Variants in GSG1L observed in about 807,000 individuals in gnomAD.
GSG1L encodes GSG1 like.
In GSG1L, 24 loss-of-function variants were observed where a neutral mutation model predicts 42.1. That is an observed-to-expected ratio of 0.57 (90% CI 0.41 to 0.80). GSG1L has a LOEUF of 0.80. Ranked by LOEUF, GSG1L falls within the 30% of genes least tolerant of loss-of-function variation. The pLI is 0.00. For synonymous variants in GSG1L, 215 were observed against 203.5 expected (o/e 1.06, Z -0.48); for missense variants, 445 against 472.2 (o/e 0.94, Z 0.53).
chr16:27,886,951 CTT>C (rs569919383), intron 2 of GSG1L, among the ~76,000 whole-genome samples: 1 of 149,176 alleles, frequency 6.7e-6, no homozygotes, highest in Non-Finnish European at 1.5e-5. Context: ...CTCTTTCTTT[CTT>C]TTTTTTTTCT....
At chr16:28,037,671 T>C (rs190672299) in intron 1 of GSG1L, among the ~76,000 whole-genome samples, 48 of 152,332 alleles carry the variant, frequency 3.2e-4, no homozygotes, top group East Asian at 1.3e-3. Context: ...GTAATAATAA[T>C]AATATAAAAA....
intron 3 of GSG1L, among the ~76,000 whole-genome samples, chr16:27,877,409 C>T (rs904626129): frequency 2.0e-5 from 3 of 152,136 alleles, no homozygotes; most frequent in Non-Finnish European, 2.9e-5. Flanking sequence ...AAATATGACC[C>T]TGTCTAGATT....
intron 3 of GSG1L, among the ~76,000 whole-genome samples, chr16:27,854,546 C>G (rs946158300): frequency 6.6e-6 from 1 of 152,166 alleles, no homozygotes; most frequent in Non-Finnish European, 1.5e-5. Flanking sequence ...TCTGAGTGAA[C>G]AGTGGACACC....
intron 1 of GSG1L, among the ~76,000 whole-genome samples, chr16:27,963,708 G>T (rs2085096173): frequency 6.6e-6 from 1 of 152,126 alleles, no homozygotes; most frequent in Non-Finnish European, 1.5e-5. Flanking sequence ...TCCACCCACT[G>T]CCCTCTCCCT....
rs913168388 is a variant in GSG1L at position 28,010,765 on chromosome 16, A to G, written c.350-47562T>C. 2.0e-5 allele frequency among the ~76,000 whole-genome samples: 3 copies of G among 152,174 alleles called. No homozygotes were observed. In the East Asian group the frequency reaches 5.8e-4, roughly 29 times the overall value. On this transcript the variant is annotated intron_variant, in intron 1 of 6. Transcript: ENST00000447459. ...GGCACCAAACATCCCTCCACCGGAA[A>G]TCATTCCTTGGCAACTGGTGCCCAG...
At position 28,035,317 on chromosome 16, in the gene GSG1L, G is replaced by A. The variant is rs546773108; in HGVS notation, c.349+27759C>T. 6.1e-4 allele frequency among the ~76,000 whole-genome samples: 93 copies of A among 152,204 alleles called. 1 individual carries two copies. The highest frequency in any genetic ancestry group is 2.2e-3 in the African/African-American group (90 of 41,504). On this transcript the variant is annotated intron_variant, in intron 1 of 6. Coordinates refer to ENST00000447459, the MANE Select transcript of GSG1L (RefSeq NM_001109763.2). ...TGAGCCACCACGCCTATCCTCAGCTGTATTTTTTAAAGTATTTGTACTTTA... is the reference window on the plus strand; with the variant it reads ...TGAGCCACCACGCCTATCCTCAGCTATATTTTTTAAAGTATTTGTACTTTA...
At chr16:27,803,194 GT>G (rs2082903245) in intron 6 of GSG1L, among the ~76,000 whole-genome samples, 1 of 151,876 alleles carries the variant, frequency 6.6e-6, no homozygotes, top group Non-Finnish European at 1.5e-5. Flanking sequence ...ATCTGATGCT[GT>G]CCCCCCAGCT....
intron 1 of GSG1L, among the ~76,000 whole-genome samples, chr16:28,002,232 GT>G (rs1216335129): frequency 6.6e-6 from 1 of 152,206 alleles, no homozygotes; most frequent in Non-Finnish European, 1.5e-5. Context: ...GAATAACAGG[GT>G]GAGCGAGGCT....
At chr16:28,010,451 T>C (rs1424489809) in intron 1 of GSG1L, among the ~76,000 whole-genome samples, 1 of 152,148 alleles carries the variant, frequency 6.6e-6, no homozygotes, top group Non-Finnish European at 1.5e-5. Context: ...CCCCCTCTGA[T>C]TGCTGCAGGT....
rs751600143 is a variant in GSG1L, at chr16:28,040,343, C to T, written c.349+22733G>A. Among the ~76,000 whole-genome samples the T allele has an allele frequency of 2.0e-5, 3 of 152,188 alleles. No homozygotes were observed. Among genetic ancestry groups the T allele is most frequent in the Non-Finnish European group, 4.4e-5 (3 of 68,030 alleles). The stretch of plus-strand genomic sequence containing the variant: ...GAAATGTCACCTCCCCAGAGGCCTC[C>T]CTCTTCTCAATCACTCTCCATCCCA... On this transcript the variant is annotated intron_variant, in intron 1 of 6. Coordinates refer to ENST00000447459, the MANE Select transcript of GSG1L (RefSeq NM_001109763.2). This position sits in a 1 kb window ranked among gnomAD's most constrained non-coding sequence, Gnocchi z 4.1.
In GSG1L at chr16:28,063,165, T is replaced by C. The variant is rs1193018044; in HGVS notation, c.260A>G (p.Tyr87Cys). 2 of 1,360,220 alleles carry C rather than the reference T, an allele frequency of 1.5e-6. No homozygotes were observed. Among genetic ancestry groups the C allele is most frequent in the Non-Finnish European group, 1.9e-6 (2 of 1,048,800 alleles). 84.3% of individuals were successfully genotyped at this position (1,360,220 alleles called of 1,614,324 possible). A position where few individuals can be genotyped will look rare whatever the true frequency, so the allele number is the denominator to read the frequency against. Residue 87 changes from tyrosine to cysteine, a missense_variant, in exon 1 of 7, where the codon TAC becomes TGC. Physicochemically the swap from Tyr to Cys is radical, Grantham distance 194 (BLOSUM62 -2). Around this residue, in one of 3 missense-constraint regions of GSG1L, gnomAD observed 149 missense variants for 223.3 expected, o/e 0.67. Transcript: ENST00000447459. The surrounding 1 kb of genome is among the most constrained non-coding windows in gnomAD (Gnocchi z 5.8). ...GCGGTCGTCGCCGGTCTCCCAGCTG[T>C]AGAGCGCGCCGCCAGGGGGGCCGTT... ...SGNGPPGGAL[Y>C]SWETGDDRFL...
rs143289426 is a variant in GSG1L at position 27,800,711 on chromosome 16, A to T, written c.898+6776T>A. Among the ~76,000 whole-genome samples, 785 of 152,324 alleles carry T rather than the reference A, an allele frequency of 5.2e-3. 11 individuals are homozygous for T. Among genetic ancestry groups the T allele is most frequent in the African/African-American group, 0.017 (720 of 41,564 alleles). ...GTTAGGATAACCAGAAGTTTATGTA[A>T]TTGCTAATATAAAAGTGGCTTCTCA... On this transcript the variant is annotated intron_variant, in intron 6 of 6. Transcript: ENST00000447459.
chr16:27,804,265 C>T (rs1293521236), intron 6 of GSG1L, among the ~76,000 whole-genome samples: 6 of 152,126 alleles, frequency 3.9e-5, no homozygotes, highest in Admixed American at 1.3e-4. Context: ...CCATTGCCCT[C>T]CCTGCCTCAG....
chr16:27,908,221 T>C (rs796792416), intron 2 of GSG1L, among the ~76,000 whole-genome samples: 1 of 152,304 alleles, frequency 6.6e-6, no homozygotes, highest in African/African-American at 2.4e-5. Flanking sequence ...AACCTAATCA[T>C]CCCAGCTGAG....
intron 4 of GSG1L, among the ~76,000 whole-genome samples, chr16:27,831,728 A>C (rs2083276618): frequency 6.6e-6 from 1 of 152,202 alleles, no homozygotes; most frequent in African/African-American, 2.4e-5. Flanking sequence ...ACAAAGTCAG[A>C]CTGTGCTAGA....
chr16:27,998,262 T>C (rs2085540995), intron 1 of GSG1L: 1 of 152,350 alleles, frequency 6.6e-6, no homozygotes, highest in Non-Finnish European at 1.5e-5. Context: ...AGTCTGGTTT[T>C]CTATTCCAGA....
At chr16:28,056,726 C>T (rs1439631951) in intron 1 of GSG1L, among the ~76,000 whole-genome samples, 1 of 152,046 alleles carries the variant, frequency 6.6e-6, no homozygotes, top group Non-Finnish European at 1.5e-5. Context: ...AGTGTCAGCT[C>T]ATCTAGGCTC....
chr16:27,954,425 A>G (rs981405968), intron 2 of GSG1L, among the ~76,000 whole-genome samples: 1 of 152,298 alleles, frequency 6.6e-6, no homozygotes, highest in Middle Eastern at 3.4e-3. Context: ...TCCTTCAAAT[A>G]GAGGAACCAG....
intron 3 of GSG1L, among the ~76,000 whole-genome samples, chr16:27,880,112 C>G (rs1360664457): frequency 1.3e-5 from 2 of 152,210 alleles, no homozygotes; most frequent in East Asian, 3.9e-4. Context: ...GAAAGCAGCA[C>G]TTTCCCTCCC....
Sources: allele counts gnomAD v4.1 joint callset (sites outside exome capture counted in the v4.1 genomes callset), GRCh38; gene constraint gnomAD v4.1.1; regional missense constraint gnomAD v4.1.1; non-coding constraint Gnocchi (gnomAD v3.1); transcripts MANE v1.5; gene names NCBI Gene and HGNC (gene_info 2026-07-23, HGNC 2026-07-21).